PFKFB2: variants seen among roughly 807,000 people sequenced by gnomAD.
PFKFB2 encodes the protein 6-phosphofructo-2-kinase/fructose-2,6-bisphosphatase 2.
In PFKFB2, 53 loss-of-function variants were observed where a neutral mutation model predicts 68.0. That is an observed-to-expected ratio of 0.78 (90% CI 0.63 to 0.98). The LOEUF is 0.98. Ranked by LOEUF, PFKFB2 falls within the 50% of genes least tolerant of loss-of-function variation. The probability of loss-of-function intolerance (pLI) is 0.00; values close to 1 mark genes in which losing one functional copy is unlikely to be tolerated. For missense variants in PFKFB2, 451 were observed against 642.0 expected (o/e 0.70, Z 3.22); for synonymous variants, 222 against 227.6 (o/e 0.98, Z 0.22).
In PFKFB2 at chr1:207,076,379, A is replaced by G; in HGVS notation, c.*4008A>G. Reference sequence around the variant, plus strand: ...AATTGTATCTGGGTTATGTAATCTTATGCACATTCCATTGTCTTTGCCAAG... The same window carrying G: ...AATTGTATCTGGGTTATGTAATCTTGTGCACATTCCATTGTCTTTGCCAAG... On this transcript the variant is annotated 3_prime_UTR_variant, in exon 15 of 15. Transcript: ENST00000367080. 3 of 984,738 alleles carry G rather than the reference A, an allele frequency of 3.0e-6. No homozygotes were observed. Among genetic ancestry groups the G allele is most frequent in the Non-Finnish European group, 3.6e-6 (3 of 829,862 alleles). 61.0% of individuals were successfully genotyped at this position (984,738 alleles called of 1,614,324 possible).
At chr1:207,046,024 T>C (rs544520269) in intron 2 of PFKFB2, 1 of 152,000 alleles carries the variant, frequency 6.6e-6, no homozygotes, top group Non-Finnish European at 1.5e-5. Context: ...TCACAAAATT[T>C]CCAGGTATGT....
chr1:207,069,564 A>C (rs1683405584), intron 11 of PFKFB2, 36 bp downstream of exon 11: 3 of 1,319,592 alleles, frequency 2.3e-6, no homozygotes, highest in Middle Eastern at 1.8e-4. Context: ...GACTGCCTAG[A>C]CCCTTGCTGA....
chr1:207,063,572 A>G lies in PFKFB2; in HGVS notation c.450+151A>G, dbSNP rs1683183127. The G allele has an allele frequency of 2.6e-6, 2 of 755,936 alleles. No homozygotes were observed. Among genetic ancestry groups the G allele is most frequent in the Admixed American group, 2.0e-5 (1 of 49,250 alleles). The allele number at this position is 755,936 out of a possible 1,614,324, so 46.8% of individuals were successfully genotyped here. On this transcript the variant is annotated intron_variant, in intron 6 of 14. Coordinates refer to ENST00000367080, the MANE Select transcript of PFKFB2 (RefSeq NM_006212.2). This position sits in a 1 kb window ranked among gnomAD's most constrained non-coding sequence, Gnocchi z 4.1. ...ATTCCCCCAGTCCTTGAGTGTTTTC[A>G]TTCAGGTCCTTTCTCAGACTGTTAG...
In PFKFB2 at chr1:207,054,815, A is replaced by C. The variant is rs1223159169; in HGVS notation, c.85+13A>C. 1.3e-6 allele frequency: 2 copies of C among 1,588,218 alleles called. No homozygotes were observed. Among genetic ancestry groups the C allele is most frequent in the East Asian group, 4.5e-5 (2 of 44,796 alleles). On this transcript the variant is annotated intron_variant, in intron 2 of 14. Transcript: ENST00000367080. The stretch of plus-strand genomic sequence containing the variant: ...GAGAAGAAATGTTGTGAGTTCTGGC[A>C]GAGAGGAGGGACTGCTCTCTCTCAG...
At chr1:207,035,002 A>G (rs1027541541) in intron 1 of PFKFB2, 3 of 236,912 alleles carry the variant, frequency 1.3e-5, no homozygotes, top group African/African-American at 7.0e-5. Flanking sequence ...TGGACTACAG[A>G]AAAGGGAGGA....
rs1683639960 is a variant in PFKFB2, at chr1:207,076,826, C to T, written c.*4455C>T. 1 of 985,264 alleles carries T rather than the reference C, an allele frequency of 1.0e-6. No individual in the cohort carries two copies. Among genetic ancestry groups the T allele is most frequent in the Non-Finnish European group, 1.2e-6 (1 of 829,918 alleles). 61.0% of individuals were successfully genotyped at this position (985,264 alleles called of 1,614,324 possible). A position where few individuals can be genotyped will look rare whatever the true frequency, so the allele number is the denominator to read the frequency against. ...ATAGTAAAATTTGGGTGTTGCCTGACTAACGGTCTAGGGTCTGTAAGCTGA... is the reference window on the plus strand; with the variant it reads ...ATAGTAAAATTTGGGTGTTGCCTGATTAACGGTCTAGGGTCTGTAAGCTGA... On this transcript the variant is annotated 3_prime_UTR_variant, in exon 15 of 15. Coordinates refer to ENST00000367080, the MANE Select transcript of PFKFB2 (RefSeq NM_006212.2).
chr1:207,068,731 C>A (rs890123435), intron 10 of PFKFB2, among the ~76,000 whole-genome samples: 1 of 151,130 alleles, frequency 6.6e-6, no homozygotes, highest in African/African-American at 2.5e-5. Flanking sequence ...TTCTTGAGTA[C>A]AAAAGTAGAC....
chr1:207,059,213 A>G (rs1683014954), intron 2 of PFKFB2, among the ~76,000 whole-genome samples: 1 of 152,188 alleles, frequency 6.6e-6, no homozygotes, highest in Admixed American at 6.5e-5. Context: ...ATGGGTAAAC[A>G]AGAGCAGCTG....
chr1:207,043,526 C>A (rs78819617), intron 2 of PFKFB2, among the ~76,000 whole-genome samples: 1 of 152,128 alleles, frequency 6.6e-6, no homozygotes, highest in Admixed American at 6.5e-5. Context: ...TCAAACAGAT[C>A]TAAGTTCACA....
intron 14 of PFKFB2, 53 bp downstream of exon 14, chr1:207,071,626 T>C: frequency 1.5e-6 from 2 of 1,345,942 alleles, no homozygotes; most frequent in Non-Finnish European, 2.1e-6. Flanking sequence ...CTTGAGTCTC[T>C]GAAGCTTTGA....
chr1:207,078,539 G>A (rs888193604), downstream of PFKFB2, among the ~76,000 whole-genome samples: 12 of 152,202 alleles, frequency 7.9e-5, no homozygotes, highest in African/African-American at 2.7e-4. Context: ...GAATGGACTC[G>A]TATAACTAAA....
rs1683538739 is a variant in PFKFB2 at position 207,073,771 on chromosome 1, T to G, written c.*1400T>G. The G allele has an allele frequency of 3.0e-6, 3 of 984,596 alleles. No individual in the cohort carries two copies. The Admixed American group carries it at 1.8e-4, about 61-fold the overall frequency. The allele number at this position is 984,596 out of a possible 1,614,324, so 61.0% of individuals were successfully genotyped here. A position where few individuals can be genotyped will look rare whatever the true frequency, so the allele number is the denominator to read the frequency against. ...TTTAGGGAAGAAATTCTTAGCCCCT[T>G]GATGACCATGATGGCTTATTCTCTT... On this transcript the variant is annotated 3_prime_UTR_variant, in exon 15 of 15. Coordinates refer to ENST00000367080, the MANE Select transcript of PFKFB2 (RefSeq NM_006212.2).
chr1:207,050,798 G>A, upstream of PFKFB2: 2 of 1,613,414 alleles, frequency 1.2e-6, no homozygotes, highest in Non-Finnish European at 1.7e-6. Flanking sequence ...CCCGGTGATG[G>A]CGGCAATTTG....
intron 8 of PFKFB2, among the ~76,000 whole-genome samples, chr1:207,067,191 C>T (rs1387686498): frequency 6.6e-6 from 1 of 152,180 alleles, no homozygotes; most frequent in Non-Finnish European, 1.5e-5. Flanking sequence ...GCAAAATCTT[C>T]AGGTCACCTA....
At chr1:207,049,191 A>G (rs1334866987), upstream of PFKFB2, 2 of 1,614,154 alleles carry the variant, frequency 1.2e-6, no homozygotes, top group Non-Finnish European at 8.5e-7. Flanking sequence ...GTACAAGAAC[A>G]ATATCATCAT....
intron 1 of PFKFB2, among the ~76,000 whole-genome samples, chr1:207,038,418 G>C (rs774594437): frequency 2.0e-5 from 3 of 152,166 alleles, no homozygotes; most frequent in Non-Finnish European, 4.4e-5. Flanking sequence ...CTGGATCCTT[G>C]CCTGCTTCTA....
intron 2 of PFKFB2, chr1:207,060,908 C>T (rs1014232973): frequency 1.3e-5 from 2 of 149,620 alleles, no homozygotes; most frequent in Non-Finnish European, 3.0e-5. Context: ...TCAAGCAATC[C>T]TCCTGAGTAG....
chr1:207,035,666 C>CAA (rs1208285408), intron 1 of PFKFB2, among the ~76,000 whole-genome samples: 1 of 144,756 alleles, frequency 6.9e-6, no homozygotes, highest in African/African-American at 2.9e-5. Flanking sequence ...AACAAACAAA[C>CAA]AAACAAACAA....
At chr1:207,049,514 G>A, upstream of PFKFB2, 1 of 1,614,126 alleles carries the variant, frequency 6.2e-7, no homozygotes. Flanking sequence ...TGTGCTATGA[G>A]GCGTCTCATC....
Sources: gnomAD v4.1 joint callset for allele counts (sites outside exome capture counted in the v4.1 genomes callset) on GRCh38, gnomAD v4.1.1 for gene constraint, Gnocchi (gnomAD v3.1) non-coding constraint, MANE v1.5 for transcripts, NCBI Gene and HGNC (gene_info 2026-07-23, HGNC 2026-07-21) for gene names.